The following CAPN11 variants were observed in gnomAD, a reference collection of about 807,000 sequenced individuals.
CAPN11 encodes the protein calpain 11, also known as calpain-11.
A neutral mutation model predicts 105.3 loss-of-function variants in CAPN11; 108 were observed. The observed-to-expected ratio is 1.03, with a 90% CI of 0.88 to 1.20. The LOEUF is 1.20. CAPN11 is among the 50% of genes most tolerant of loss of function. The pLI, the probability that CAPN11 is intolerant of heterozygous loss-of-function variation, is 0.00. For synonymous variants in CAPN11, 329 were observed against 344.5 expected (o/e 0.96, Z 0.50); for missense variants, 883 against 924.8 (o/e 0.95, Z 0.59).
At position 44,184,277 on chromosome 6, in the gene CAPN11, C is replaced by G; in HGVS notation, c.*345C>G. On this transcript the variant is annotated 3_prime_UTR_variant, in exon 23 of 23. Transcript: ENST00000398776. ...CAAGAATAGGGAAGGGACTTGTAGC[C>G]CGTTTCTTACCCTCCATGCTTGCTG... 1 of 380,010 alleles carries G rather than the reference C, an allele frequency of 2.6e-6. No homozygotes were observed. Among genetic ancestry groups the G allele is most frequent in the Non-Finnish European group, 4.9e-6 (1 of 205,362 alleles). The allele number at this position is 380,010 out of a possible 1,614,324, so 23.5% of individuals were successfully genotyped here.
chr6:44,176,828 C>A lies in CAPN11; in HGVS notation c.1077-10C>A. 1.2e-6 allele frequency: 2 copies of A among 1,613,542 alleles called. No individual in the cohort carries two copies. The highest frequency in any genetic ancestry group is 1.7e-6 in the Non-Finnish European group (2 of 1,179,696). ...TGCTGCTGACGGGCTCCACCCCCAC[C>A]CCACCACAGGATGTCCTACCAAGAT... On this transcript the variant is annotated splice_polypyrimidine_tract_variant and intron_variant, in intron 10 of 22. Transcript: ENST00000398776.
In CAPN11 at chr6:44,177,382, G is replaced by A. The variant is rs1772252396; in HGVS notation, c.1378G>A (p.Gly460Arg). The change falls in exon 12 of 23, where the codon GGA (glycine) becomes AGA (arginine). Residue 460 changes from glycine (G) to arginine (R), a missense_variant. Gly to Arg is a moderately radical substitution (Grantham distance 125, BLOSUM62 -2). Transcript: ENST00000398776. ...QKNWRHARQQ[G>R]AQLQTIGFVL... ...GAACTGGCGGCATGCACGGCAGCAG[G>A]GAGCCCAGCTGCAGACCATTGGCTT... 6.2e-6 allele frequency: 10 copies of A among 1,613,744 alleles called. No homozygotes were observed. The East Asian group carries it at 2.2e-4, about 36-fold the overall frequency.
At chr6:44,163,568 T>C (rs1486225707) in intron 1 of CAPN11, among the ~76,000 whole-genome samples, 15 of 152,186 alleles carry the variant, frequency 9.9e-5, no homozygotes, top group Non-Finnish European at 1.5e-5. Context: ...CCTCAGTTTC[T>C]CTGTCTATAG....
At chr6:44,179,682 C>G in intron 13 of CAPN11, 52 bp downstream of exon 13, 1 of 1,588,038 alleles carries the variant, frequency 6.3e-7, no homozygotes, top group Non-Finnish European at 8.6e-7. Flanking sequence ...CCCACTCCAC[C>G]CCTGGCTGCA....
rs1294484376 is a variant in CAPN11 at position 44,172,335 on chromosome 6, T to A, written c.443T>A (p.Leu148His). 1.3e-6 allele frequency: 2 copies of A among 1,557,372 alleles called. No homozygotes were observed. The highest frequency in any genetic ancestry group is 1.9e-5 in the Admixed American group (1 of 51,994). Residue 148 changes from leucine (L) to histidine (H), a missense_variant, in exon 5 of 23, where the codon CTT becomes CAT. Coordinates refer to ENST00000398776, the MANE Select transcript of CAPN11 (RefSeq NM_007058.4). ...TGGCTGCTGGCTGCCATCGGCTCCC[T>A]TACCACCTGCCCCAAACTGCTATAC... The part of the protein sequence containing the change: ...DCWLLAAIGS[L>H]TTCPKLLYRV...
chr6:44,174,063 GC>G (rs1339489889), intron 7 of CAPN11, among the ~76,000 whole-genome samples: 4 of 152,120 alleles, frequency 2.6e-5, no homozygotes, highest in Admixed American at 2.6e-4. Flanking sequence ...TTAGGAAGGA[GC>G]CCAGCATGCA....
chr6:44,183,496 A>T (rs1411565524), intron 21 of CAPN11, among the ~76,000 whole-genome samples: 1 of 152,152 alleles, frequency 6.6e-6, no homozygotes, highest in African/African-American at 2.4e-5. Context: ...AGGTTAAACC[A>T]GTTAGTCTAT....
At chr6:44,179,681 C>A in intron 13 of CAPN11, 51 bp downstream of exon 13, 2 of 1,588,864 alleles carry the variant, frequency 1.3e-6, no homozygotes, top group East Asian at 2.2e-5. Context: ...ACCCACTCCA[C>A]CCCTGGCTGC....
chr6:44,171,606 C>T (rs1771016666), intron 4 of CAPN11, among the ~76,000 whole-genome samples: 1 of 152,012 alleles, frequency 6.6e-6, no homozygotes, highest in Non-Finnish European at 1.5e-5. Context: ...GGCAGGAGGA[C>T]TGCTTGAGCT....
chr6:44,169,954 G>A lies in CAPN11; in HGVS notation c.388G>A (p.Asp130Asn). 1.2e-6 allele frequency: 2 copies of A among 1,611,972 alleles called. No individual in the cohort carries two copies. Among genetic ancestry groups the A allele is most frequent in the Non-Finnish European group, 1.7e-6 (2 of 1,178,990 alleles). Residue 130 changes from aspartate (D) to asparagine (N), a missense_variant, in exon 4 of 23, where the codon GAC becomes AAC. By Grantham distance (23) the Asp-to-Asn change is conservative. Coordinates refer to ENST00000398776, the MANE Select transcript of CAPN11 (RefSeq NM_007058.4). ...LFIMDGISPT[D>N]ICQGILGDCW... is the part of the protein sequence containing the mutation. ...CATCATGGATGGGATTTCTCCAACA[G>A]ACATCTGCCAGGGGATCCTCGGTGA... is the stretch of plus-strand genomic sequence containing the variant.
At chr6:44,181,405 C>A in intron 19 of CAPN11, 85 bp downstream of exon 19, 4 of 1,075,550 alleles carry the variant, frequency 3.7e-6, no homozygotes, top group African/African-American at 1.9e-5. Context: ...AAGCTAGAAC[C>A]CAAGCCCTAA....
intron 6 of CAPN11, 23 bp from the exon 7 acceptor site, chr6:44,173,195 C>G (rs1479159908): frequency 6.8e-6 from 11 of 1,612,862 alleles, no homozygotes; most frequent in Non-Finnish European, 9.3e-6. Flanking sequence ...TAGAGCCCAA[C>G]AGTGCCTTCT....
At position 44,181,308 on chromosome 6, in the gene CAPN11, C is replaced by G; in HGVS notation, c.1926C>G (p.Leu642=). 1.2e-6 allele frequency: 2 copies of G among 1,611,020 alleles called. No homozygotes were observed. Among genetic ancestry groups the G allele is most frequent in the Non-Finnish European group, 8.5e-7 (1 of 1,178,730 alleles). ...LLEFKILWKK[L]KKWMDIFREC... ...AGTTCAAGATCCTGTGGAAAAAACT[C>G]AAGAAATGGATGGTAAAGGGCACTA... is the stretch of plus-strand genomic sequence containing the variant. Residue 642 remains leucine, a synonymous_variant, in exon 19 of 23, where the codon CTC becomes CTG. Coordinates refer to ENST00000398776, the MANE Select transcript of CAPN11 (RefSeq NM_007058.4).
chr6:44,181,425 CA>C, intron 19 of CAPN11, 105 bp downstream of exon 19: 2 of 812,498 alleles, frequency 2.5e-6, no homozygotes, highest in Non-Finnish European at 4.0e-6. Context: ...ACCACACACA[CA>C]CACACACCCA....
intron 1 of CAPN11, among the ~76,000 whole-genome samples, chr6:44,164,065 G>T (rs891657816): frequency 6.6e-6 from 1 of 152,112 alleles, no homozygotes; most frequent in East Asian, 1.9e-4. Flanking sequence ...TGCTGGTCTC[G>T]TGAGGCTGAG....
At chr6:44,177,492 C>CTTTCTTT (rs1554131642) in intron 12 of CAPN11, 72 bp downstream of exon 12, 3 of 1,044,340 alleles carry the variant, frequency 2.9e-6, no homozygotes, top group Non-Finnish European at 3.9e-6. Flanking sequence ...TTCTTTCTTT[C>CTTTCTTT]TTTTTTTTTT....
chr6:44,166,851 G>A (rs1286637596), intron 2 of CAPN11, 22 bp downstream of exon 2: 4 of 1,503,290 alleles, frequency 2.7e-6, no homozygotes, highest in Non-Finnish European at 3.6e-6. Flanking sequence ...GACCCGTCGT[G>A]GCTCTGTGGC....
Position 44,180,008 on chromosome 6 carries a change from C to G in CAPN11, c.1485C>G (p.Asp495Glu). Residue 495 changes from aspartate (D) to glutamate (E), a missense_variant, in exon 14 of 23, where the codon GAC becomes GAG. By Grantham distance (45) the Asp-to-Glu change is conservative. Transcript: ENST00000398776. ...AGGAATTCTTCACGAAGTATCAGGA[C>G]CACGGCTTCTCAGAGATCTTCACCA... ...LKKEFFTKYQ[D>E]HGFSEIFTNS... 6.2e-7 allele frequency: 1 copy of G among 1,612,038 alleles called. No individual in the cohort carries two copies. Among genetic ancestry groups the G allele is most frequent in the Non-Finnish European group, 8.5e-7 (1 of 1,179,114 alleles).
At chr6:44,164,193 A>G (rs1428930449) in intron 1 of CAPN11, among the ~76,000 whole-genome samples, 2 of 152,168 alleles carry the variant, frequency 1.3e-5, no homozygotes, top group African/African-American at 4.8e-5. Context: ...TCTATGTTGA[A>G]CACTTACTAT....
Sources: allele counts gnomAD v4.1 joint callset (sites outside exome capture counted in the v4.1 genomes callset), GRCh38; gene constraint gnomAD v4.1.1; transcripts MANE v1.5; gene names NCBI Gene and HGNC (gene_info 2026-07-23, HGNC 2026-07-21).